FIG4: variants seen among roughly 807,000 people sequenced by gnomAD.
FIG4 encodes FIG4 phosphoinositide 5-phosphatase, also known as polyphosphoinositide phosphatase.
Under a neutral mutation model 118.6 loss-of-function variants are expected in FIG4, and 112 were observed. The observed-to-expected ratio is 0.94, with a 90% CI of 0.81 to 1.11. The LOEUF (loss-of-function observed/expected upper bound fraction) is 1.11. Among genes scored for constraint, FIG4 ranks in the 50% least tolerant of loss-of-function variants. FIG4 has a pLI of 0.00. For missense variants in FIG4, 969 were observed against 1,111.7 expected (o/e 0.87, Z 1.83); for synonymous variants, 369 against 381.2 (o/e 0.97, Z 0.37).
chr6:109,753,261 G>T (rs543104743), intron 10 of FIG4, among the ~76,000 whole-genome samples: 1 of 152,020 alleles, frequency 6.6e-6, no homozygotes, highest in African/African-American at 2.4e-5. Context: ...TAGACGATGC[G>T]GTGTTATTTC....
intron 14 of FIG4, among the ~76,000 whole-genome samples, chr6:109,766,311 A>G (rs1777276925): frequency 6.6e-6 from 1 of 152,204 alleles, no homozygotes. Context: ...TAAGCCACCC[A>G]GTTTATGGTG....
intron 10 of FIG4, among the ~76,000 whole-genome samples, chr6:109,752,301 G>A (rs573148910): frequency 0.025 from 3,715 of 150,984 alleles, 74 homozygotes; most frequent in East Asian, 0.089. Flanking sequence ...ATAAACATAC[G>A]TGTGCATGTG....
At chr6:109,717,507 A>G (rs562830210) in intron 3 of FIG4, among the ~76,000 whole-genome samples, 31 of 152,290 alleles carry the variant, frequency 2.0e-4, no homozygotes, top group Non-Finnish European at 3.8e-4. Flanking sequence ...ATAAAATCCA[A>G]TGTACATGAA....
At chr6:109,815,210 G>C (rs1778826962) in intron 22 of FIG4, among the ~76,000 whole-genome samples, 1 of 152,018 alleles carries the variant, frequency 6.6e-6, no homozygotes, top group Admixed American at 6.5e-5. Flanking sequence ...TGTCACCACT[G>C]CATCCACCCC....
intron 7 of FIG4, among the ~76,000 whole-genome samples, chr6:109,738,661 A>T (rs1776234009): frequency 6.6e-6 from 1 of 152,220 alleles, no homozygotes; most frequent in Non-Finnish European, 1.5e-5. Context: ...ATGAATAAAT[A>T]ACAAGGAAGA....
chr6:109,738,515 G>T, intron 7 of FIG4, 62 bp downstream of exon 7: 2 of 1,443,710 alleles, frequency 1.4e-6, no homozygotes, highest in South Asian at 1.1e-5. Context: ...TCAATTTGTA[G>T]ACAGCTACAT....
chr6:109,764,386 C>T (rs542993963), intron 13 of FIG4, among the ~76,000 whole-genome samples: 17 of 148,552 alleles, frequency 1.1e-4, no homozygotes, highest in East Asian at 4.0e-4. Context: ...TGCAGTGAGG[C>T]GAGATCATGC....
intron 4 of FIG4, among the ~76,000 whole-genome samples, chr6:109,729,183 A>C (rs1775907861): frequency 6.6e-6 from 1 of 152,212 alleles, no homozygotes; most frequent in Non-Finnish European, 1.5e-5. Context: ...CAATGTTAGA[A>C]AATTTACTAG....
chr6:109,760,021 A>T (rs982495037), intron 10 of FIG4, among the ~76,000 whole-genome samples: 1 of 152,200 alleles, frequency 6.6e-6, no homozygotes, highest in Non-Finnish European at 1.5e-5. Flanking sequence ...TACCAGGAAG[A>T]AACCTGATCT....
intron 3 of FIG4, among the ~76,000 whole-genome samples, chr6:109,717,049 C>A (rs1260536683): frequency 7.3e-6 from 1 of 137,236 alleles, no homozygotes; most frequent in Admixed American, 7.5e-5. Flanking sequence ...ACTTTGGTTT[C>A]TAAAATCACA....
intron 10 of FIG4, 66 bp downstream of exon 10, chr6:109,743,838 G>A: frequency 9.2e-7 from 1 of 1,092,370 alleles, no homozygotes; most frequent in South Asian, 1.2e-5. Context: ...CCTCAACACA[G>A]AGGGGGTTAA....
chr6:109,704,309 A>G (rs1774990976), intron 1 of FIG4, among the ~76,000 whole-genome samples: 1 of 152,186 alleles, frequency 6.6e-6, no homozygotes, highest in African/African-American at 2.4e-5. Context: ...TTTACTAGTC[A>G]GTGGTCCAAT....
At chr6:109,798,931 A>G (rs1778358979) in intron 22 of FIG4, among the ~76,000 whole-genome samples, 1 of 152,200 alleles carries the variant, frequency 6.6e-6, no homozygotes, top group African/African-American at 2.4e-5. Flanking sequence ...AGATATGTCC[A>G]AGGAAGGAAA....
intron 15 of FIG4, among the ~76,000 whole-genome samples, chr6:109,774,986 AAAAAG>A (rs1335495564): frequency 6.6e-6 from 1 of 152,204 alleles, no homozygotes; most frequent in East Asian, 1.9e-4. Flanking sequence ...TTCTCTAATT[AAAAAG>A]AATTGTTATA....
At chr6:109,778,001 A>G (rs992956595) in intron 16 of FIG4, among the ~76,000 whole-genome samples, 1 of 152,218 alleles carries the variant, frequency 6.6e-6, no homozygotes, top group Non-Finnish European at 1.5e-5. Flanking sequence ...CTGAGGAGTC[A>G]TGTACTATAA....
chr6:109,792,116 T>C (rs1778152909), intron 20 of FIG4, among the ~76,000 whole-genome samples: 1 of 152,244 alleles, frequency 6.6e-6, no homozygotes, highest in Admixed American at 6.5e-5. Flanking sequence ...GTTCCAGAAG[T>C]TGGCAAACTA....
At chr6:109,717,340 A>G (rs1280535073) in intron 3 of FIG4, among the ~76,000 whole-genome samples, 1 of 152,156 alleles carries the variant, frequency 6.6e-6, no homozygotes, top group Non-Finnish European at 1.5e-5. Context: ...TTTAAATTTT[A>G]CCTGAGCTCC....
intron 22 of FIG4, 30 bp downstream of exon 22, chr6:109,796,881 T>C: frequency 7.9e-7 from 1 of 1,260,828 alleles, no homozygotes; most frequent in Non-Finnish European, 1.2e-6. Flanking sequence ...TTTAAAGAAA[T>C]CTTTGTATTC....
Position 109,760,299 on chromosome 6 carries a change from C to G in FIG4, c.1187C>G (p.Ala396Gly), listed in dbSNP as rs758599286. Reference protein sequence around the residue: ...HERILSEELVAAVTYLNQFLP... With the variant: ...HERILSEELVGAVTYLNQFLP... ...AGAATTCTGAGTGAAGAACTTGTTG[C>G]TGCTGTGACCTATCTCAACCAATTT... The change falls in exon 11 of 23, where the codon GCT becomes GGT. Residue 396 changes from alanine to glycine, a missense_variant. Physicochemically the swap from Ala to Gly is moderately conservative, Grantham distance 60. Around this residue, in one of 3 missense-constraint regions of FIG4, gnomAD observed 246 missense variants for 354.3 expected, o/e 0.69. Coordinates refer to ENST00000230124, the MANE Select transcript of FIG4 (RefSeq NM_014845.6). 20 of 1,613,090 alleles carry G rather than the reference C, an allele frequency of 1.2e-5. No individual in the cohort carries two copies. The highest frequency in any genetic ancestry group is 5.3e-5 in the African/African-American group (4 of 74,892).
Sources: gnomAD v4.1 joint callset for allele counts (sites outside exome capture counted in the v4.1 genomes callset) on GRCh38, gnomAD v4.1.1 for gene constraint, gnomAD v4.1.1 regional missense constraint, MANE v1.5 for transcripts, NCBI Gene and HGNC (gene_info 2026-07-23, HGNC 2026-07-21) for gene names.